KRIT1: variants seen among roughly 807,000 people sequenced by gnomAD.
KRIT1 encodes krev interaction trapped protein 1.
KRIT1 carries 45 observed loss-of-function variants against 95.8 expected under a neutral mutation model. The ratio of observed to expected loss-of-function variants is 0.47; its 90% CI spans 0.37 to 0.60. KRIT1 has a LOEUF of 0.60. KRIT1 is among the 20% of genes least tolerant of loss of function. The probability of loss-of-function intolerance (pLI) is 0.00; values close to 1 mark genes in which losing one functional copy is unlikely to be tolerated. For synonymous variants in KRIT1, 282 were observed against 278.8 expected (o/e 1.01, Z -0.11); for missense variants, 788 against 877.5 (o/e 0.90, Z 1.29).
intron 10 of KRIT1, among the ~76,000 whole-genome samples, chr7:92,232,136 C>G (rs1009420798): frequency 1.8e-4 from 27 of 152,178 alleles, no homozygotes; most frequent in African/African-American, 5.8e-4. Flanking sequence ...TTCACCAGGG[C>G]AGGCTGGTCT....
chr7:92,207,953 G>A (rs1357452181), intron 17 of KRIT1, among the ~76,000 whole-genome samples: 1 of 152,038 alleles, frequency 6.6e-6, no homozygotes, highest in Non-Finnish European at 1.5e-5. Flanking sequence ...CATTCTCCAG[G>A]ATACACCATC....
At chr7:92,223,160 T>A (rs557395964) in intron 12 of KRIT1, among the ~76,000 whole-genome samples, 182 bp from the exon 13 acceptor site, 1 of 151,314 alleles carries the variant, frequency 6.6e-6, no homozygotes, top group Non-Finnish European at 1.5e-5. Flanking sequence ...CCGGGCGCGG[T>A]GGCTCACGCC....
chr7:92,237,573 T>C (rs1332496601), intron 6 of KRIT1, 94 bp downstream of exon 6: 2 of 632,288 alleles, frequency 3.2e-6, no homozygotes, highest in Non-Finnish European at 5.7e-6. Flanking sequence ...AATATTATAG[T>C]AGTAACTATG....
At chr7:92,218,333 T>C (rs1215019556) in intron 14 of KRIT1, among the ~76,000 whole-genome samples, 1 of 151,512 alleles carries the variant, frequency 6.6e-6, no homozygotes, top group Non-Finnish European at 1.5e-5. Context: ...GCCTCCCACC[T>C]CATCCTTCCA....
intron 17 of KRIT1, 97 bp from the exon 18 acceptor site, chr7:92,201,520 A>G: frequency 1.3e-6 from 1 of 745,412 alleles, no homozygotes; most frequent in Admixed American, 1.9e-5. Context: ...CTCTAAATAT[A>G]ATAGTTCAGA....
At chr7:92,218,247 CA>C (rs1794402183) in intron 14 of KRIT1, among the ~76,000 whole-genome samples, 1 of 151,928 alleles carries the variant, frequency 6.6e-6, no homozygotes, top group Admixed American at 6.6e-5. Context: ...AAGACAAAAA[CA>C]AAAACAAAAC....
At position 92,234,558 on chromosome 7, in the gene KRIT1, G is replaced by T. The variant is rs764960797; in HGVS notation, c.880C>A (p.Arg294=). Residue 294 remains arginine (R), a synonymous_variant, in exon 10 of 19, where the codon CGA becomes AGA. Transcript: ENST00000394505. ...RQWVDDFPLH[R]SACEGDSELL... ...TCTGAATCTCCTTCACAGGCGCTTC[G>T]GTGGAGAGGAAAATCATCTACCCAC... 9 of 1,612,968 alleles carry T rather than the reference G, an allele frequency of 5.6e-6. No individual in the cohort carries two copies. The South Asian group carries it at 8.8e-5, about 16-fold the overall frequency.
At chr7:92,232,537 C>A (rs368161615) in intron 10 of KRIT1, among the ~76,000 whole-genome samples, 1 of 150,180 alleles carries the variant, frequency 6.7e-6, no homozygotes, top group Non-Finnish European at 1.5e-5. Flanking sequence ...AACACCCCTG[C>A]CACAAAAAGG....
chr7:92,245,643 C>T lies in KRIT1; in HGVS notation c.-421+147G>A, dbSNP rs528992802. On this transcript the variant is annotated intron_variant, in intron 1 of 18. Transcript: ENST00000394505. The stretch of plus-strand genomic sequence containing the variant: ...GTCACCGCTTTCTCATTCCTCCTTC[C>T]CTCCTCCCAGGCACAGCAGCCCGGC... 10 of 152,590 alleles carry T rather than the reference C, an allele frequency of 6.6e-5. No individual in the cohort carries two copies. The East Asian group carries it at 1.7e-3, about 26-fold the overall frequency. The allele number at this position is 152,590 out of a possible 1,614,324, so 9.5% of individuals were successfully genotyped here. A position where few individuals can be genotyped will look rare whatever the true frequency, so the allele number is the denominator to read the frequency against.
chr7:92,207,876 C>T (rs962650522), intron 17 of KRIT1, among the ~76,000 whole-genome samples: 3 of 152,026 alleles, frequency 2.0e-5, no homozygotes, highest in Non-Finnish European at 4.4e-5. Context: ...TATAAACAAA[C>T]AAATAAATAA....
rs551599695 is a variant in KRIT1, at chr7:92,215,092, A to C, written c.1564-315T>G. ...GGAATACTGAAATATGAATTTCAAA[A>C]TATTTCGCTGATAGGAAATAGTTAT... On this transcript the variant is annotated intron_variant, in intron 14 of 18. Transcript: ENST00000394505. Among the ~76,000 whole-genome samples, 445 of 152,264 alleles carry C rather than the reference A, an allele frequency of 2.9e-3. 4 individuals are homozygous for C. The highest frequency in any genetic ancestry group is 0.01 in the African/African-American group (423 of 41,536).
At position 92,200,166 on chromosome 7, in the gene KRIT1, T is replaced by C. The variant is rs1321841451; in HGVS notation, c.*570A>G. On this transcript the variant is annotated 3_prime_UTR_variant, in exon 19 of 19. Coordinates refer to ENST00000394505, the MANE Select transcript of KRIT1 (RefSeq NM_194454.3). ...TACCAAAAATAACTTTTTATAAAGC[T>C]TACTATTTTGTCTAATATTATACAG... 1.3e-5 allele frequency: 2 copies of C among 152,854 alleles called. No homozygotes were observed. The highest frequency in any genetic ancestry group is 4.8e-5 in the African/African-American group (2 of 41,454). 9.5% of individuals were successfully genotyped at this position (152,854 alleles called of 1,614,324 possible).
chr7:92,228,763 C>T (rs1796702545), intron 10 of KRIT1, among the ~76,000 whole-genome samples: 1 of 152,054 alleles, frequency 6.6e-6, no homozygotes, highest in Non-Finnish European at 1.5e-5. Context: ...CTCAAGGAGG[C>T]CCCAGTATTT....
chr7:92,235,812 T>C, intron 7 of KRIT1, 166 bp from the exon 8 acceptor site: 1 of 610,636 alleles, frequency 1.6e-6, no homozygotes, highest in Non-Finnish European at 2.7e-6. Context: ...AATTTATTTA[T>C]ATTGCAAATT....
At chr7:92,212,543 G>A (rs972819130) in intron 17 of KRIT1, among the ~76,000 whole-genome samples, 2 of 152,166 alleles carry the variant, frequency 1.3e-5, no homozygotes, top group Non-Finnish European at 2.9e-5. Context: ...GGGACCCCAA[G>A]ATAACTCCCT....
At chr7:92,234,684 C>T in intron 9 of KRIT1, 92 bp from the exon 10 acceptor site, 2 of 1,231,810 alleles carry the variant, frequency 1.6e-6, no homozygotes, top group Non-Finnish European at 2.4e-6. Context: ...CTCTGTATCA[C>T]TAAGAAGCTG....
At chr7:92,204,120 G>T (rs568163980) in intron 17 of KRIT1, 1 of 152,022 alleles carries the variant, frequency 6.6e-6, no homozygotes, top group East Asian at 2.0e-4. Context: ...AATTAGCTGG[G>T]TGTGGTGGCA....
intron 5 of KRIT1, among the ~76,000 whole-genome samples, chr7:92,237,995 A>G (rs909579750): frequency 6.6e-6 from 1 of 152,174 alleles, no homozygotes; most frequent in Admixed American, 6.5e-5. Context: ...CTTCCTAAGC[A>G]TAGCTAGGAA....
Position 92,214,775 on chromosome 7 carries a change from A to C in KRIT1, c.1566T>G (p.Ile522Met). Residue 522 changes from isoleucine (I) to methionine (M), a missense_variant and splice_region_variant, in exon 15 of 19, where the codon ATT (isoleucine) becomes ATG (methionine). Ile to Met is a conservative substitution (Grantham distance 10). Coordinates refer to ENST00000394505, the MANE Select transcript of KRIT1 (RefSeq NM_194454.3). ...GAATAAGAATAGCTAGTGGGTCTTC[A>C]ATCTTAAAGGAAAAAGTATAATTTG... Reference protein sequence around the residue: ...VRLPLEVEKQIEDPLAILILF... With the variant: ...VRLPLEVEKQMEDPLAILILF... 1 of 1,589,132 alleles carries C rather than the reference A, an allele frequency of 6.3e-7. No homozygotes were observed. Among genetic ancestry groups the C allele is most frequent in the Non-Finnish European group, 8.6e-7 (1 of 1,157,672 alleles).
Sources: gnomAD v4.1 joint callset for allele counts (sites outside exome capture counted in the v4.1 genomes callset) on GRCh38, gnomAD v4.1.1 for gene constraint, MANE v1.5 for transcripts, NCBI Gene and HGNC (gene_info 2026-07-23, HGNC 2026-07-21) for gene names.